The following NT5C3B variants were observed in gnomAD, a reference collection of about 807,000 sequenced individuals.
The protein encoded by NT5C3B is 5'-nucleotidase, cytosolic IIIB.
In NT5C3B, 28 loss-of-function variants were observed where a neutral mutation model predicts 32.5. That is an observed-to-expected ratio of 0.86 (90% CI 0.64 to 1.18). The LOEUF (loss-of-function observed/expected upper bound fraction) is 1.18. Among genes scored for constraint, NT5C3B ranks in the 50% most tolerant of loss-of-function variants. NT5C3B has a pLI of 0.00. For synonymous variants in NT5C3B, 138 were observed against 118.0 expected, an observed-to-expected ratio of 1.17 and a Z score of -1.10; for missense variants, 317 against 322.0, an observed-to-expected ratio of 0.98 and a Z score of 0.12.
intron 5 of NT5C3B, among the ~76,000 whole-genome samples, chr17:41,831,821 C>T (rs1019594175): frequency 3.3e-5 from 5 of 151,960 alleles, no homozygotes; most frequent in Non-Finnish European, 7.4e-5. Flanking sequence ...TTTGGGAGGC[C>T]GAAGTGGGAG....
intron 5 of NT5C3B, among the ~76,000 whole-genome samples, 165 bp downstream of exon 5, chr17:41,832,227 G>A (rs550069866): frequency 2.6e-5 from 4 of 152,156 alleles, no homozygotes; most frequent in Admixed American, 6.6e-5. Context: ...AAAAGCCCTG[G>A]GTTCATCTGA....
Position 41,825,778 on chromosome 17 carries a change from T to A in NT5C3B, c.769-121A>T, listed in dbSNP as rs1555618063. On this transcript the variant is annotated intron_variant, in intron 8 of 8. Transcript: ENST00000435506. ...CAAGCAGCAACTCCCAGCTCCCTTT[T>A]GAGAGCCAAAGGAGTTCAAGGTTAC... 1.0e-5 allele frequency: 8 copies of A among 792,904 alleles called. No individual in the cohort carries two copies. The East Asian group carries it at 1.9e-4, about 19-fold the overall frequency. 49.1% of individuals were successfully genotyped at this position (792,904 alleles called of 1,614,324 possible). A position where few individuals can be genotyped will look rare whatever the true frequency, so the allele number is the denominator to read the frequency against.
At position 41,825,436 on chromosome 17, in the gene NT5C3B, G is replaced by A; in HGVS notation, c.*87C>T. The A allele has an allele frequency of 1.3e-6, 1 of 755,660 alleles. No individual in the cohort carries two copies. Among genetic ancestry groups the A allele is most frequent in the South Asian group, 1.6e-5 (1 of 63,428 alleles). 46.8% of individuals were successfully genotyped at this position (755,660 alleles called of 1,614,324 possible). On this transcript the variant is annotated 3_prime_UTR_variant, in exon 9 of 9. Coordinates refer to ENST00000435506, the MANE Select transcript of NT5C3B (RefSeq NM_052935.5). ...GACCCAGCCACTGCTGGCCACCCTGGCCTCTGCTCTGTGTTCACGGGGGAG... is the reference window on the plus strand; with the variant it reads ...GACCCAGCCACTGCTGGCCACCCTGACCTCTGCTCTGTGTTCACGGGGGAG...
Position 41,827,491 on chromosome 17 carries a change from G to A in NT5C3B, c.703C>T (p.Leu235Phe). 1.1e-6 allele frequency: 1 copy of A among 872,980 alleles called. No homozygotes were observed. Among genetic ancestry groups the A allele is most frequent in the South Asian group, 1.3e-5 (1 of 76,544 alleles). 54.1% of individuals were successfully genotyped at this position (872,980 alleles called of 1,614,324 possible). A position where few individuals can be genotyped will look rare whatever the true frequency, so the allele number is the denominator to read the frequency against. Residue 235 changes from leucine (L) to phenylalanine (F), a missense_variant, in exon 8 of 9, where the codon CTC (leucine) becomes TTC (phenylalanine). By Grantham distance (22) the Leu-to-Phe change is conservative. Transcript: ENST00000435506. ...CCAGGAACCCCATCGGCCATGGTGA[G>A]GTCCCCGATAGAGTCTCCCAGCAGG... ...VILLGDSIGD[L>F]TMADGVPGVQ...
At chr17:41,829,466 TG>T (rs2048018350) in intron 6 of NT5C3B, among the ~76,000 whole-genome samples, 5 of 152,364 alleles carry the variant, frequency 3.3e-5, no homozygotes, top group Admixed American at 3.3e-4. Flanking sequence ...TATACACCCA[TG>T]TAACTAACTA....
At chr17:41,835,561 C>T (rs2048134953) in intron 2 of NT5C3B, 15 of 691,926 alleles carry the variant, frequency 2.2e-5, no homozygotes, top group South Asian at 2.1e-4. Flanking sequence ...TCTACCATTA[C>T]GGCCCATCTG....
intron 4 of NT5C3B, 61 bp downstream of exon 4, chr17:41,835,009 C>G (rs1484192821): frequency 1.3e-6 from 2 of 1,494,354 alleles, no homozygotes; most frequent in African/African-American, 2.8e-5. Flanking sequence ...TGGTTCCAAT[C>G]AGGAACCATT....
At position 41,835,973 on chromosome 17, in the gene NT5C3B, A is replaced by T. The variant is rs1360792264; in HGVS notation, c.13-16T>A. ...GGGTGCTCACCTGTCCCGAGACCCG[A>T]GAGAACCACTGACCCCTGCGCCACG... On this transcript the variant is annotated splice_polypyrimidine_tract_variant and intron_variant, in intron 1 of 8. Transcript: ENST00000435506. 21 of 1,565,904 alleles carry T rather than the reference A, an allele frequency of 1.3e-5. No individual in the cohort carries two copies. The highest frequency in any genetic ancestry group is 1.8e-5 in the Non-Finnish European group (21 of 1,155,400).
intron 6 of NT5C3B, 59 bp from the exon 7 acceptor site, chr17:41,829,011 CT>C: frequency 2.0e-6 from 3 of 1,514,072 alleles, no homozygotes; most frequent in Non-Finnish European, 2.7e-6. Flanking sequence ...TCTTTGTTTC[CT>C]ATTTGGGTTG....
Position 41,834,617 on chromosome 17 carries a change from A to G in NT5C3B, c.228+453T>C, listed in dbSNP as rs149200636. Among the ~76,000 whole-genome samples, 178 of 152,204 alleles carry G rather than the reference A, an allele frequency of 1.2e-3. 2 individuals carry two copies. The highest frequency in any genetic ancestry group is 7.5e-3 in the East Asian group (39 of 5,186). ...TTTAAAATTAGCTAGGTGTAATGTT[A>G]CATGCTTGTAGTTCCAGCTACTCAG... On this transcript the variant is annotated intron_variant, in intron 4 of 8. Transcript: ENST00000435506.
chr17:41,830,198 C>A (rs1477448965), intron 6 of NT5C3B, among the ~76,000 whole-genome samples: 1 of 152,194 alleles, frequency 6.6e-6, no homozygotes, highest in East Asian at 1.9e-4. Flanking sequence ...CCCCAAAAGT[C>A]TTTTACCATT....
At chr17:41,833,461 C>T (rs1276016188) in intron 4 of NT5C3B, among the ~76,000 whole-genome samples, 3 of 152,026 alleles carry the variant, frequency 2.0e-5, no homozygotes, top group African/African-American at 7.2e-5. Context: ...GGATTACAGG[C>T]AGGCACCACT....
chr17:41,834,289 G>A (rs976259208), intron 4 of NT5C3B, among the ~76,000 whole-genome samples: 4 of 151,812 alleles, frequency 2.6e-5, no homozygotes, highest in Non-Finnish European at 5.9e-5. Context: ...CCAGCTACTC[G>A]AGAGGCTGAG....
At chr17:41,833,142 T>C (rs1011063978) in intron 4 of NT5C3B, among the ~76,000 whole-genome samples, 6 of 152,190 alleles carry the variant, frequency 3.9e-5, no homozygotes, top group African/African-American at 1.4e-4. Context: ...AGAAGGGTAC[T>C]AAGATTTTTT....
chr17:41,835,178 C>A (rs373664607), intron 3 of NT5C3B, 25 bp downstream of exon 3: 2 of 1,613,812 alleles, frequency 1.2e-6, no homozygotes, highest in Non-Finnish European at 1.7e-6. Context: ...TCAAGCTCAA[C>A]AAGGGAAGCT....
At chr17:41,829,641 T>C (rs2048020721) in intron 6 of NT5C3B, among the ~76,000 whole-genome samples, 1 of 152,252 alleles carries the variant, frequency 6.6e-6, no homozygotes, top group Non-Finnish European at 1.5e-5. Context: ...ATATTTTGCA[T>C]GTAATGAGTT....
Position 41,835,936 on chromosome 17 carries a change from T to C in NT5C3B, c.34A>G (p.Thr12Ala), listed in dbSNP as rs1555619898. 3.1e-6 allele frequency: 5 copies of C among 1,598,614 alleles called. No homozygotes were observed. The African/African-American group carries it at 6.7e-5, about 21-fold the overall frequency. The change falls in exon 2 of 9, where the codon ACG becomes GCG. Residue 12 changes from threonine (T) to alanine (A), a missense_variant. Transcript: ENST00000435506. ...CGCCCAGGCTGCCGCATCAGGACCGTGGCCTTCATCAGGGTGCTCACCTGT... is the reference window on the plus strand; with the variant it reads ...CGCCCAGGCTGCCGCATCAGGACCGCGGCCTTCATCAGGGTGCTCACCTGT... The part of the protein sequence containing the change: ...AEEVSTLMKA[T>A]VLMRQPGRVQ...
rs1555618622 is a variant in NT5C3B, at chr17:41,828,884, C to T, written c.473G>A (p.Gly158Asp). ...AATTTCTTCCAGGATATCACCAATG[C>T]CCGCAGAAAAGATGAAAAGGGGAAT... ...NNIPLFIFSA[G>D]IGDILEEIIR... Residue 158 changes from glycine to aspartate, a missense_variant, in exon 7 of 9, where the codon GGC (glycine) becomes GAC (aspartate). Gly to Asp is a moderately conservative substitution (Grantham distance 94). Coordinates refer to ENST00000435506, the MANE Select transcript of NT5C3B (RefSeq NM_052935.5). 1.2e-6 allele frequency: 2 copies of T among 1,613,638 alleles called. No individual in the cohort carries two copies. Among genetic ancestry groups the T allele is most frequent in the Admixed American group, 1.7e-5 (1 of 59,986 alleles).
rs541646566 is a variant in NT5C3B at position 41,827,663 on chromosome 17, C to T, written c.568-37G>A. 4.3e-5 allele frequency: 35 copies of T among 816,982 alleles called. No individual in the cohort carries two copies. In the East Asian group the frequency reaches 7.5e-4, roughly 18 times the overall value. The allele number at this position is 816,982 out of a possible 1,614,324, so 50.6% of individuals were successfully genotyped here. On this transcript the variant is annotated intron_variant, in intron 7 of 8. Coordinates refer to ENST00000435506, the MANE Select transcript of NT5C3B (RefSeq NM_052935.5). ...AGACAAGAGACAGATGGAAGGGCTG[C>T]AGGGACCCATGTGGCACCAGCTCTC...
Sources: allele counts gnomAD v4.1 joint callset (sites outside exome capture counted in the v4.1 genomes callset), GRCh38; gene constraint gnomAD v4.1.1; transcripts MANE v1.5; gene names NCBI Gene and HGNC (gene_info 2026-07-23, HGNC 2026-07-21).